SKOR2: variants seen among roughly 807,000 people sequenced by gnomAD.
SKOR2 encodes LBX1 corepressor 1-like protein.
In SKOR2, 47 loss-of-function variants were observed where a neutral mutation model predicts 69.1. The observed-to-expected ratio is 0.68, with a 90% CI of 0.54 to 0.87. SKOR2 has a LOEUF of 0.87. Ranked by LOEUF, SKOR2 falls within the 40% of genes least tolerant of loss-of-function variation. The pLI, the probability that SKOR2 is intolerant of heterozygous loss-of-function variation, is 0.00. For synonymous variants in SKOR2, 717 were observed against 672.6 expected, an observed-to-expected ratio of 1.07 and a Z score of -1.02; for missense variants, 1,404 against 1,472.2, an observed-to-expected ratio of 0.95 and a Z score of 0.76.
intron 4 of SKOR2, chr18:47,231,243 C>T: frequency 1.4e-6 from 2 of 1,421,398 alleles, no homozygotes; most frequent in Non-Finnish European, 1.9e-6. Flanking sequence ...AAAGCAGATT[C>T]TTGAAGTTAT....
In SKOR2 at chr18:47,249,110, G is replaced by C; in HGVS notation, c.74C>G (p.Thr25Arg). Residue 25 changes from threonine (T) to arginine (R), a missense_variant, in exon 2 of 9, where the codon ACG becomes AGG. This residue lies in a region of SKOR2 where 104 missense variants were observed against 95.7 expected (regional missense o/e 1.09). Coordinates refer to ENST00000425639, the MANE Select transcript of SKOR2 (RefSeq NM_001278063.4). The stretch of plus-strand genomic sequence containing the variant: ...GTGCCCTGGCCGCGGCTGGCTCAGC[G>C]TGTCGGGCTGGAAGGCGCTCGACGG... ...ASPSSAFQPD[T>R]LSQPRPGHAN... 6.5e-7 allele frequency: 1 copy of C among 1,536,138 alleles called. No individual in the cohort carries two copies. Among genetic ancestry groups the C allele is most frequent in the South Asian group, 1.2e-5 (1 of 84,046 alleles).
rs1227212378 is a variant in SKOR2 at position 47,246,588 on chromosome 18, G to A, written c.2596C>T (p.Gln866Ter). ...SPVHHPSLEE[Q>*]PSYKDSQKTK... Reference sequence around the variant, plus strand: ...ATATTTACATCTTTGTAGGAGGGCTGCTCCTCCAGTGATGGATGGTGAACT... The same window carrying A: ...ATATTTACATCTTTGTAGGAGGGCTACTCCTCCAGTGATGGATGGTGAACT... Residue 866 changes from glutamine to a stop codon, truncating the protein, a stop_gained, in exon 2 of 9, where the codon CAG (glutamine) becomes TAG (stop). Transcript: ENST00000425639. LOFTEE classifies it high-confidence loss of function. The A allele has an allele frequency of 6.6e-7, 1 of 1,520,832 alleles. No homozygotes were observed. 94.2% of individuals were successfully genotyped at this position (1,520,832 alleles called of 1,614,324 possible).
Position 47,246,633 on chromosome 18 carries a change from T to TGCC in SKOR2, c.2548_2550dup (p.Gly850dup), listed in dbSNP as rs1256301376. ...TGAACTGGGCTGCCCGGGCTGCTGC[T>TGCC]GCCGCCGCCACTCGCCTTCTGGGGG... is the stretch of plus-strand genomic sequence containing the variant. On this transcript the variant is annotated inframe_insertion, in exon 2 of 9. Coordinates refer to ENST00000425639, the MANE Select transcript of SKOR2 (RefSeq NM_001278063.4). 1.1e-5 allele frequency: 16 copies of TGCC among 1,517,030 alleles called. No individual in the cohort carries two copies. Among genetic ancestry groups the TGCC allele is most frequent in the African/African-American group, 2.8e-5 (2 of 70,572 alleles). 94.0% of individuals were successfully genotyped at this position (1,517,030 alleles called of 1,614,324 possible). A position where few individuals can be genotyped will look rare whatever the true frequency, so the allele number is the denominator to read the frequency against.
At chr18:47,251,151 T>C (rs982313544) in intron 1 of SKOR2, among the ~76,000 whole-genome samples, 1 of 151,870 alleles carries the variant, frequency 6.6e-6, no homozygotes, top group Non-Finnish European at 1.5e-5. Context: ...AAGAGACAAT[T>C]AAAAGTTAGT....
intron 4 of SKOR2, 36 bp downstream of exon 4, chr18:47,244,872 C>G: frequency 6.6e-7 from 1 of 1,514,290 alleles, no homozygotes; most frequent in South Asian, 1.2e-5. Context: ...TCCCTGTCAT[C>G]TGACTATTCA....
chr18:47,242,329 A>G (rs915058896), intron 4 of SKOR2, among the ~76,000 whole-genome samples: 2 of 152,162 alleles, frequency 1.3e-5, no homozygotes, highest in African/African-American at 4.8e-5. Context: ...TTGTTCAAAT[A>G]TATTTATTAA....
chr18:47,207,391 G>A (rs1387466528), intron 8 of SKOR2, among the ~76,000 whole-genome samples: 1 of 152,144 alleles, frequency 6.6e-6, no homozygotes, highest in African/African-American at 2.4e-5. Context: ...CCAGAGGAGA[G>A]CAGACAATGT....
At chr18:47,245,415 G>A (rs2064267386) in intron 3 of SKOR2, 83 bp downstream of exon 3, 1 of 1,265,248 alleles carries the variant, frequency 7.9e-7, no homozygotes, top group Non-Finnish European at 1.0e-6. Context: ...TAGTGGGTAG[G>A]TGAGGAGGCT....
At position 47,224,809 on chromosome 18, in the gene SKOR2, A is replaced by T. The variant is rs930283575; in HGVS notation, c.2918-4799T>A. Among the ~76,000 whole-genome samples, 4 of 151,948 alleles carry T rather than the reference A, an allele frequency of 2.6e-5. No individual in the cohort carries two copies. The East Asian group carries it at 7.7e-4, about 29-fold the overall frequency. Reference sequence around the variant, plus strand: ...TGTGTGTATGTGTTTGTGTAGAGACAGGGTCCCAGTATGTTGCCCAGGCTG... The same window carrying T: ...TGTGTGTATGTGTTTGTGTAGAGACTGGGTCCCAGTATGTTGCCCAGGCTG... On this transcript the variant is annotated intron_variant, in intron 6 of 8. Coordinates refer to ENST00000425639, the MANE Select transcript of SKOR2 (RefSeq NM_001278063.4).
chr18:47,220,536 A>C (rs2064158168), intron 6 of SKOR2, among the ~76,000 whole-genome samples: 1 of 152,220 alleles, frequency 6.6e-6, no homozygotes, highest in African/African-American at 2.4e-5. Flanking sequence ...CCTGTGCAGC[A>C]AACTCTCTCA....
At chr18:47,230,196 C>G (rs2064192398) in intron 6 of SKOR2, among the ~76,000 whole-genome samples, 1 of 151,700 alleles carries the variant, frequency 6.6e-6, no homozygotes, top group African/African-American at 2.4e-5. Flanking sequence ...TATATATTTA[C>G]ACACATTTTA....
chr18:47,211,303 G>A (rs1022073695), intron 8 of SKOR2, among the ~76,000 whole-genome samples: 6 of 152,172 alleles, frequency 3.9e-5, no homozygotes, highest in African/African-American at 9.7e-5. Context: ...TACCTTTTGC[G>A]TCTGTGGTTT....
chr18:47,249,187 C>CGCCGCAGAACCCCGG lies in SKOR2; in HGVS notation c.-19_-5dup. 6.5e-7 allele frequency: 1 copy of CGCCGCAGAACCCCGG among 1,533,506 alleles called. No homozygotes were observed. Among genetic ancestry groups the CGCCGCAGAACCCCGG allele is most frequent in the Non-Finnish European group, 8.7e-7 (1 of 1,145,428 alleles). The allele number at this position is 1,533,506 out of a possible 1,614,324, so 95.0% of individuals were successfully genotyped here. On this transcript the variant is annotated 5_prime_UTR_variant, in exon 2 of 9. Transcript: ENST00000425639. ...CTGGCAGCGGACTGGAAGCCATCTC[C>CGCCGCAGAACCCCGG]GCCGCAGAACCCCGGGCCGAGCCCT...
At chr18:47,240,898 GA>G (rs377442436) in intron 4 of SKOR2, among the ~76,000 whole-genome samples, 31 of 152,270 alleles carry the variant, frequency 2.0e-4, no homozygotes, top group African/African-American at 7.0e-4. Flanking sequence ...CAGGCAGTTT[GA>G]AAAGACATTT....
chr18:47,227,195 T>A (rs189878752), intron 6 of SKOR2, among the ~76,000 whole-genome samples: 1 of 151,798 alleles, frequency 6.6e-6, no homozygotes, highest in East Asian at 1.9e-4. Flanking sequence ...TCCTTCTCCT[T>A]TTTCCCTCTA....
chr18:47,251,210 A>C (rs1183867414), intron 1 of SKOR2, among the ~76,000 whole-genome samples, 164 bp downstream of exon 1: 2 of 152,108 alleles, frequency 1.3e-5, no homozygotes, highest in Non-Finnish European at 2.9e-5. Flanking sequence ...CCCAACAGCC[A>C]AAGACCCCCC....
At chr18:47,220,941 T>C (rs1268103465) in intron 6 of SKOR2, among the ~76,000 whole-genome samples, 1 of 152,144 alleles carries the variant, frequency 6.6e-6, no homozygotes, top group African/African-American at 2.4e-5. Context: ...TGTTCCACCA[T>C]CATATTCTCC....
intron 6 of SKOR2, among the ~76,000 whole-genome samples, chr18:47,225,798 G>A (rs1275760911): frequency 1.3e-5 from 2 of 152,126 alleles, no homozygotes; most frequent in African/African-American, 2.4e-5. Context: ...GAGGGAGAGG[G>A]GTGAGAGTGG....
At position 47,245,543 on chromosome 18, in the gene SKOR2, T is replaced by C; in HGVS notation, c.2632A>G (p.Asn878Asp). Reference protein sequence around the residue: ...SYKDSQKTKENNQVIVSTKDD... With the variant: ...SYKDSQKTKEDNQVIVSTKDD... ...TTTGTAGATACAATTACTTGGTTAT[T>C]TTCCTTAGTTTTCTGACTCTGTGTG... The change falls in exon 3 of 9, where the codon AAT becomes GAT. Residue 878 changes from asparagine (N) to aspartate (D), a missense_variant. Asn to Asp is a conservative substitution (Grantham distance 23, BLOSUM62 1). Coordinates refer to ENST00000425639, the MANE Select transcript of SKOR2 (RefSeq NM_001278063.4). 6.7e-7 allele frequency: 1 copy of C among 1,502,748 alleles called. No individual in the cohort carries two copies. Among genetic ancestry groups the C allele is most frequent in the Non-Finnish European group, 8.8e-7 (1 of 1,131,904 alleles). 93.1% of individuals were successfully genotyped at this position (1,502,748 alleles called of 1,614,324 possible).
Sources: allele counts gnomAD v4.1 joint callset (sites outside exome capture counted in the v4.1 genomes callset), GRCh38; gene constraint gnomAD v4.1.1; regional missense constraint gnomAD v4.1.1; transcripts MANE v1.5; gene names NCBI Gene and HGNC (gene_info 2026-07-23, HGNC 2026-07-21).